Variants in WDR7 observed in about 807,000 individuals in gnomAD.
WDR7 encodes the protein WD repeat domain 7, also known as WD repeat-containing protein 7.
WDR7 carries 46 observed loss-of-function variants against 169.4 expected under a neutral mutation model. The observed-to-expected ratio is 0.27, with a 90% CI of 0.21 to 0.35. The LOEUF is 0.35. Among genes scored for constraint, WDR7 ranks in the 10% least tolerant of loss-of-function variants. WDR7 has a pLI of 1.00. For missense variants in WDR7, 1,534 were observed against 1,859.3 expected (o/e 0.83, Z 3.22); for synonymous variants, 612 against 666.8 (o/e 0.92, Z 1.27).
At chr18:56,968,692 G>T (rs1308241722) in intron 26 of WDR7, among the ~76,000 whole-genome samples, 8 of 152,042 alleles carry the variant, frequency 5.3e-5, no homozygotes. Context: ...GCCTTGTCAC[G>T]CAGCCTACAG....
At chr18:56,815,913 A>G (rs2044959395) in intron 19 of WDR7, 118 bp from the exon 20 acceptor site, 6 of 767,360 alleles carry the variant, frequency 7.8e-6, no homozygotes, top group East Asian at 2.7e-5. Context: ...TGGTGAACAT[A>G]TATATTTTTT....
intron 14 of WDR7, among the ~76,000 whole-genome samples, chr18:56,752,445 C>G (rs762354662): frequency 6.6e-6 from 1 of 152,148 alleles, no homozygotes; most frequent in African/African-American, 2.4e-5. Flanking sequence ...CTTGCCATCT[C>G]TCTTTATGGC....
chr18:56,721,639 A>G (rs901528962), intron 13 of WDR7: 2 of 152,230 alleles, frequency 1.3e-5, no homozygotes, highest in Admixed American at 6.5e-5. Flanking sequence ...TCTGGGATCA[A>G]CCGTCTCGTT....
intron 15 of WDR7, among the ~76,000 whole-genome samples, chr18:56,757,984 T>G (rs1317361030): frequency 6.6e-6 from 1 of 151,126 alleles, no homozygotes; most frequent in South Asian, 2.1e-4. Flanking sequence ...AAAAAAAATG[T>G]ATATTTCATT....
chr18:56,722,937 T>G (rs12966943), intron 13 of WDR7, among the ~76,000 whole-genome samples: 1 of 152,162 alleles, frequency 6.6e-6, no homozygotes, highest in Non-Finnish European at 1.5e-5. Context: ...GCCGGGAAAT[T>G]AATCTTAGGA....
chr18:56,832,040 T>C (rs2045319210), intron 20 of WDR7, among the ~76,000 whole-genome samples: 2 of 152,172 alleles, frequency 1.3e-5, no homozygotes, highest in Admixed American at 1.3e-4. Context: ...CCGAGTGATC[T>C]TGCTCAGCAG....
chr18:56,969,112 T>C (rs2047449621), intron 26 of WDR7, among the ~76,000 whole-genome samples: 1 of 152,194 alleles, frequency 6.6e-6, no homozygotes, highest in East Asian at 1.9e-4. Flanking sequence ...GGATATCTTT[T>C]GTCTCAAATT....
chr18:56,698,304 T>A (rs961986595), intron 12 of WDR7, among the ~76,000 whole-genome samples: 71 of 152,078 alleles, frequency 4.7e-4, no homozygotes, highest in African/African-American at 1.6e-3. Flanking sequence ...TAAACAAATT[T>A]CTTTTAAAAA....
chr18:56,981,358 T>C (rs2047642143), intron 26 of WDR7, among the ~76,000 whole-genome samples: 1 of 152,184 alleles, frequency 6.6e-6, no homozygotes, highest in South Asian at 2.1e-4. Flanking sequence ...TTCAGCTATA[T>C]ACATGTGGAG....
At chr18:56,774,615 A>C (rs1434751288) in intron 16 of WDR7, among the ~76,000 whole-genome samples, 1 of 152,124 alleles carries the variant, frequency 6.6e-6, no homozygotes, top group Non-Finnish European at 1.5e-5. Flanking sequence ...ATTATTTATT[A>C]AATCTTGAGC....
intron 20 of WDR7, among the ~76,000 whole-genome samples, chr18:56,828,315 A>G (rs2045246883): frequency 6.6e-6 from 1 of 152,206 alleles, no homozygotes; most frequent in Non-Finnish European, 1.5e-5. Context: ...ATGAAGGTGA[A>G]TTATTTGACG....
chr18:56,687,331 T>G (rs892910936), intron 7 of WDR7, among the ~76,000 whole-genome samples: 2 of 152,234 alleles, frequency 1.3e-5, no homozygotes, highest in South Asian at 4.1e-4. Flanking sequence ...GTCAATATTT[T>G]CCCTGGCTTC....
intron 21 of WDR7, among the ~76,000 whole-genome samples, chr18:56,902,905 C>T (rs1033650269): frequency 6.6e-6 from 1 of 152,180 alleles, no homozygotes; most frequent in Non-Finnish European, 1.5e-5. Flanking sequence ...TTTTCATTCT[C>T]TCAAAAATGC....
intron 26 of WDR7, among the ~76,000 whole-genome samples, chr18:57,001,991 A>T (rs940611760): frequency 1.9e-4 from 29 of 152,290 alleles, no homozygotes; most frequent in Non-Finnish European, 3.4e-4. Flanking sequence ...GAAAAGCAAA[A>T]ATACCCATGA....
intron 16 of WDR7, among the ~76,000 whole-genome samples, chr18:56,764,023 C>T (rs2044023240): frequency 6.6e-6 from 1 of 151,628 alleles, no homozygotes; most frequent in African/African-American, 2.4e-5. Flanking sequence ...TCATTGATAT[C>T]TATTATTTTT....
Position 56,757,157 on chromosome 18 carries a change from C to T in WDR7, c.2564C>T (p.Ala855Val), listed in dbSNP as rs2043905449. Residue 855 changes from alanine to valine, a missense_variant, in exon 15 of 28, where the codon GCT becomes GTT. Transcript: ENST00000254442. ...ATGCTGCCGGGTTATAATCAGCCTG[C>T]TTGTAAACTGTCACATGGGAAAACA... ...SLMLPGYNQP[A>V]CKLSHGKTEV... The T allele has an allele frequency of 6.2e-7, 1 of 1,614,012 alleles. No homozygotes were observed. The highest frequency in any genetic ancestry group is 8.5e-7 in the Non-Finnish European group (1 of 1,179,988).
intron 26 of WDR7, among the ~76,000 whole-genome samples, chr18:57,013,278 C>G (rs1369787676): frequency 6.6e-6 from 1 of 152,174 alleles, no homozygotes; most frequent in African/African-American, 2.4e-5. Context: ...TGTCACCCAC[C>G]CTCCTGCTGT....
rs116398680 is a variant in WDR7 at position 56,940,543 on chromosome 18, T to C, written c.4064+1150T>C. ...ATTAGAATACAGCCGTGTTTTAACATTATGCCGTGTGTTTGGTTTATGGTC... is the reference window on the plus strand; with the variant it reads ...ATTAGAATACAGCCGTGTTTTAACACTATGCCGTGTGTTTGGTTTATGGTC... On this transcript the variant is annotated intron_variant, in intron 25 of 27. Coordinates refer to ENST00000254442, the MANE Select transcript of WDR7 (RefSeq NM_015285.3). 3.7e-3 allele frequency among the ~76,000 whole-genome samples: 566 copies of C among 152,334 alleles called. 1 individual carries two copies. The highest frequency in any genetic ancestry group is 0.013 in the African/African-American group (539 of 41,572).
chr18:56,757,305 G>T lies in WDR7; in HGVS notation c.2712G>T (p.Met904Ile). ...IISLANTLMS[M>I]TNATFIGDHM... ...CTTTGGCAAATACTTTAATGAGTATGACCAATGCAACTTTTATTGGTGATC... is the reference window on the plus strand; with the variant it reads ...CTTTGGCAAATACTTTAATGAGTATTACCAATGCAACTTTTATTGGTGATC... The change falls in exon 15 of 28, where the codon ATG (methionine) becomes ATT (isoleucine). Residue 904 changes from methionine to isoleucine, a missense_variant. By Grantham distance (10) the Met-to-Ile change is conservative. Transcript: ENST00000254442. The T allele has an allele frequency of 6.2e-7, 1 of 1,613,354 alleles. No individual in the cohort carries two copies. Among genetic ancestry groups the T allele is most frequent in the South Asian group, 1.1e-5 (1 of 91,032 alleles).
Sources: gnomAD v4.1 joint callset for allele counts (sites outside exome capture counted in the v4.1 genomes callset) on GRCh38, gnomAD v4.1.1 for gene constraint, MANE v1.5 for transcripts, NCBI Gene and HGNC (gene_info 2026-07-23, HGNC 2026-07-21) for gene names.